SAXO1: variants seen among roughly 807,000 people sequenced by gnomAD.
The protein encoded by SAXO1 is stabilizer of axonemal microtubules 1, also known as 4930500O09Rik.
SAXO1 carries 21 observed loss-of-function variants against 17.5 expected under a neutral mutation model. The ratio of observed to expected loss-of-function variants is 1.20; its 90% CI spans 0.85 to 1.72. SAXO1 has a LOEUF of 1.72. SAXO1 is among the 40% of genes most tolerant of loss of function. The pLI is 0.00. For missense variants in SAXO1, 843 were observed against 596.0 expected (o/e 1.41, Z -4.32); for synonymous variants, 274 against 216.5 (o/e 1.27, Z -2.33).
At chr9:19,010,149 AAAC>A (rs71494993) in intron 1 of SAXO1, among the ~76,000 whole-genome samples, 119 of 151,240 alleles carry the variant, frequency 7.9e-4, no homozygotes, top group Middle Eastern at 3.4e-3. Context: ...ATCTAAAAAA[AAAC>A]AACAACAACA....
chr9:18,945,279 C>G (rs576873031), intron 2 of SAXO1, among the ~76,000 whole-genome samples: 1 of 152,154 alleles, frequency 6.6e-6, no homozygotes. Flanking sequence ...CAGACCCAAC[C>G]GCTGCTTCTC....
intron 1 of SAXO1, among the ~76,000 whole-genome samples, chr9:19,002,444 A>C (rs1038551374): frequency 2.0e-5 from 3 of 152,212 alleles, no homozygotes; most frequent in African/African-American, 7.2e-5. Flanking sequence ...ACAACAAAAA[A>C]AGAGAATTTT....
intron 1 of SAXO1, among the ~76,000 whole-genome samples, chr9:19,002,491 C>T (rs1295951263): frequency 1.3e-5 from 2 of 152,118 alleles, no homozygotes; most frequent in Non-Finnish European, 2.9e-5. Flanking sequence ...TGCAAAAATT[C>T]TCAATAAAAT....
At chr9:18,940,864 A>C (rs1003831123) in intron 3 of SAXO1, among the ~76,000 whole-genome samples, 1 of 152,216 alleles carries the variant, frequency 6.6e-6, no homozygotes, top group Non-Finnish European at 1.5e-5. Context: ...ATCAATAGAT[A>C]CTCAATAAAG....
In SAXO1 at chr9:18,950,853, G is replaced by A; in HGVS notation, c.123C>T (p.Tyr41=). ...TGGGCAGGTAGGAGTGATAGAAAGG[G>A]TAGTTCTCGGTATATTCGGAGAGAA... ...PCLLSEYTEN[Y]PFYHSYLPRE... Residue 41 remains tyrosine, a synonymous_variant, in exon 2 of 4, where the codon TAC becomes TAT. Transcript: ENST00000380534. 6.2e-7 allele frequency: 1 copy of A among 1,613,818 alleles called. No homozygotes were observed. Among genetic ancestry groups the A allele is most frequent in the Non-Finnish European group, 8.5e-7 (1 of 1,179,782 alleles).
chr9:19,029,152 C>T (rs927916196), intron 1 of SAXO1, among the ~76,000 whole-genome samples: 1 of 152,170 alleles, frequency 6.6e-6, no homozygotes, highest in Non-Finnish European at 1.5e-5. Flanking sequence ...ATCCAGGCCT[C>T]TGAGCATCTC....
At chr9:19,002,664 G>A (rs948223138) in intron 1 of SAXO1, among the ~76,000 whole-genome samples, 5 of 152,188 alleles carry the variant, frequency 3.3e-5, no homozygotes, top group South Asian at 2.1e-4. Flanking sequence ...CTCAATAGAT[G>A]CAGAAAAGGC....
At chr9:18,994,504 C>G (rs1283948071) in intron 1 of SAXO1, among the ~76,000 whole-genome samples, 1 of 152,150 alleles carries the variant, frequency 6.6e-6, no homozygotes, top group African/African-American at 2.4e-5. Flanking sequence ...AGTCACGCTG[C>G]ATCTCTCCAA....
intron 2 of SAXO1, among the ~76,000 whole-genome samples, chr9:18,948,915 A>G (rs1245744824): frequency 6.6e-6 from 1 of 152,154 alleles, no homozygotes; most frequent in African/African-American, 2.4e-5. Flanking sequence ...ACCGAACAAG[A>G]TATTTGCAAG....
intron 1 of SAXO1, among the ~76,000 whole-genome samples, chr9:19,044,638 A>G (rs922014763): frequency 6.6e-6 from 1 of 150,956 alleles, no homozygotes; most frequent in African/African-American, 2.4e-5. Context: ...CTGAGGCGGC[A>G]GATCACAAGG....
At chr9:18,979,017 C>T (rs182412511) in intron 1 of SAXO1, among the ~76,000 whole-genome samples, 1 of 152,150 alleles carries the variant, frequency 6.6e-6, no homozygotes, top group Admixed American at 6.5e-5. Flanking sequence ...GGGATAGCAT[C>T]AAATTTTTGC....
At chr9:18,965,013 A>G (rs1832656036) in intron 1 of SAXO1, among the ~76,000 whole-genome samples, 1 of 152,174 alleles carries the variant, frequency 6.6e-6, no homozygotes, top group South Asian at 2.1e-4. Flanking sequence ...TTCGTTATTT[A>G]CCCAGTAGAC....
At chr9:18,970,578 C>T (rs1180951829) in intron 1 of SAXO1, among the ~76,000 whole-genome samples, 1 of 152,084 alleles carries the variant, frequency 6.6e-6, no homozygotes, top group African/African-American at 2.4e-5. Flanking sequence ...CTGCTCCCTA[C>T]CCAAATCTAT....
chr9:18,958,346 C>A (rs1832338062), intron 1 of SAXO1, among the ~76,000 whole-genome samples: 1 of 152,126 alleles, frequency 6.6e-6, no homozygotes, highest in East Asian at 1.9e-4. Flanking sequence ...ATCATTTGAA[C>A]CTGAGAGGCA....
At chr9:18,940,722 C>T (rs778028033) in intron 3 of SAXO1, among the ~76,000 whole-genome samples, 12 of 152,204 alleles carry the variant, frequency 7.9e-5, no homozygotes, top group Non-Finnish European at 1.3e-4. Context: ...GTCTTTGCAG[C>T]TGAGCTCCAT....
chr9:18,945,317 G>A (rs1402447725), intron 2 of SAXO1, among the ~76,000 whole-genome samples: 1 of 152,046 alleles, frequency 6.6e-6, no homozygotes, highest in Non-Finnish European at 1.5e-5. Flanking sequence ...GTTGTTCATA[G>A]CATCCATCCT....
rs924073029 is a variant in SAXO1 at position 19,006,326 on chromosome 9, G to A, written c.38+26545C>T. ...TGAAACAGATACCTGTAGACCAATCGCAGAAGCATTATTCCAATAGCCAGA... is the reference window on the plus strand; with the variant it reads ...TGAAACAGATACCTGTAGACCAATCACAGAAGCATTATTCCAATAGCCAGA... On this transcript the variant is annotated intron_variant, in intron 1 of 3. Transcript: ENST00000380534. Among the ~76,000 whole-genome samples the A allele has an allele frequency of 3.9e-5, 6 of 152,310 alleles. No homozygotes were observed. The East Asian group carries it at 7.7e-4, about 20-fold the overall frequency.
chr9:18,938,481 C>T (rs1831396306), intron 3 of SAXO1, among the ~76,000 whole-genome samples: 1 of 151,978 alleles, frequency 6.6e-6, no homozygotes, highest in South Asian at 2.1e-4. Context: ...CCAAACGCTT[C>T]TAAACAAGCA....
chr9:19,032,279 A>C (rs1229025161), intron 1 of SAXO1, among the ~76,000 whole-genome samples: 1 of 152,194 alleles, frequency 6.6e-6, no homozygotes, highest in Admixed American at 6.5e-5. Flanking sequence ...ACTCTGACTA[A>C]AGTCCATGAT....
Sources: allele counts gnomAD v4.1 joint callset (sites outside exome capture counted in the v4.1 genomes callset), GRCh38; gene constraint gnomAD v4.1.1; transcripts MANE v1.5; gene names NCBI Gene and HGNC (gene_info 2026-07-23, HGNC 2026-07-21).